Variants in STT3B observed in about 807,000 individuals in gnomAD.
The protein encoded by STT3B is dolichyl-diphosphooligosaccharide--protein glycosyltransferase subunit STT3B.
Under a neutral mutation model 96.8 loss-of-function variants are expected in STT3B, and 29 were observed. The observed-to-expected ratio is 0.30, with a 90% confidence interval of 0.22 to 0.41. STT3B has a LOEUF of 0.41. Ranked by LOEUF, STT3B falls within the 10% of genes least tolerant of loss-of-function variation. The pLI, the probability that STT3B is intolerant of heterozygous loss-of-function variation, is 1.00. For synonymous variants in STT3B, 367 were observed against 360.0 expected (o/e 1.02, Z -0.22); for missense variants, 640 against 1,022.3 (o/e 0.63, Z 5.10).
rs572862026 is a variant in STT3B, at chr3:31,558,208, C to T, written c.315-18188C>T. On this transcript the variant is annotated intron_variant, in intron 1 of 15. Transcript: ENST00000295770. ...ACCTGATTGCTCTGGCTAGGATATCCAGTAGTATGTTGAATAGGAATGGTG... is the reference window on the plus strand; with the variant it reads ...ACCTGATTGCTCTGGCTAGGATATCTAGTAGTATGTTGAATAGGAATGGTG... Among the ~76,000 whole-genome samples the T allele has an allele frequency of 1.1e-4, 16 of 152,166 alleles. No homozygotes were observed. In the South Asian group the frequency reaches 3.3e-3, roughly 32 times the overall value.
At chr3:31,573,924 A>T (rs903578277) in intron 1 of STT3B, among the ~76,000 whole-genome samples, 2 of 152,140 alleles carry the variant, frequency 1.3e-5, no homozygotes, top group Non-Finnish European at 2.9e-5. Context: ...GGGTAAAAAA[A>T]TCAAGAGACT....
intron 1 of STT3B, among the ~76,000 whole-genome samples, chr3:31,559,349 A>ATCT (rs1697806874): frequency 6.7e-6 from 1 of 148,962 alleles, no homozygotes. Flanking sequence ...ATTGCTATAA[A>ATCT]CTTAGCATGG....
intron 4 of STT3B, among the ~76,000 whole-genome samples, chr3:31,599,017 C>T (rs912997700): frequency 1.2e-4 from 18 of 152,138 alleles, no homozygotes; most frequent in Non-Finnish European, 2.2e-4. Context: ...TCCATGTGGT[C>T]AGACTGGTCT....
intron 5 of STT3B, among the ~76,000 whole-genome samples, chr3:31,602,243 C>A (rs567862250): frequency 5.6e-4 from 85 of 152,014 alleles, no homozygotes; most frequent in African/African-American, 1.8e-3. Context: ...TTCTCTACCC[C>A]AAAAACACTA....
chr3:31,598,978 T>G (rs1395048475), intron 4 of STT3B, among the ~76,000 whole-genome samples: 1 of 151,980 alleles, frequency 6.6e-6, no homozygotes, highest in Non-Finnish European at 1.5e-5. Context: ...CCTGGCTGAT[T>G]TTTGTATTTT....
intron 13 of STT3B, among the ~76,000 whole-genome samples, chr3:31,627,166 G>A (rs1238216464): frequency 6.6e-6 from 1 of 152,120 alleles, no homozygotes; most frequent in Non-Finnish European, 1.5e-5. Flanking sequence ...GGCCTGTTAG[G>A]AACCAGGCCA....
At chr3:31,566,660 A>G (rs1038900296) in intron 1 of STT3B, among the ~76,000 whole-genome samples, 13 of 152,120 alleles carry the variant, frequency 8.5e-5, no homozygotes, top group African/African-American at 3.1e-4. Flanking sequence ...TAAAGACTTC[A>G]CAGATGTTTT....
At chr3:31,542,507 T>G (rs1441944066) in intron 1 of STT3B, among the ~76,000 whole-genome samples, 1 of 152,220 alleles carries the variant, frequency 6.6e-6, no homozygotes, top group East Asian at 1.9e-4. Context: ...AGGACTGTCT[T>G]TCTTCAAACT....
intron 3 of STT3B, among the ~76,000 whole-genome samples, chr3:31,590,315 C>T (rs79929850): frequency 0.036 from 5,443 of 151,598 alleles, 119 homozygotes; most frequent in Non-Finnish European, 0.052. Flanking sequence ...TTGATTTCTT[C>T]GTCTTCATTA....
chr3:31,538,953 A>G (rs1289609392), intron 1 of STT3B, among the ~76,000 whole-genome samples: 2 of 152,210 alleles, frequency 1.3e-5, no homozygotes, highest in East Asian at 3.9e-4. Flanking sequence ...GTTTGTTTTT[A>G]AAGTCGAATA....
chr3:31,617,186 C>CTTTT (rs5847707), intron 7 of STT3B, 111 bp downstream of exon 7: 879 of 494,230 alleles, frequency 1.8e-3, no homozygotes, highest in South Asian at 2.4e-3. Flanking sequence ...TGATTTTTTT[C>CTTTT]TTTTTTTTTT....
chr3:31,579,251 TC>T (rs1244018793), intron 2 of STT3B, among the ~76,000 whole-genome samples: 1 of 151,978 alleles, frequency 6.6e-6, no homozygotes, highest in Admixed American at 6.6e-5. Flanking sequence ...AACTGACTCT[TC>T]CCTCTTTTCC....
rs903319552 is a variant in STT3B, at chr3:31,636,714, A to G, written c.*650A>G. The G allele has an allele frequency of 6.6e-6, 1 of 152,188 alleles. No individual in the cohort carries two copies. Among genetic ancestry groups the G allele is most frequent in the African/African-American group, 2.4e-5 (1 of 41,454 alleles). The allele number at this position is 152,188 out of a possible 1,614,324, so 9.4% of individuals were successfully genotyped here. A position where few individuals can be genotyped will look rare whatever the true frequency, so the allele number is the denominator to read the frequency against. ...AGTAGTTTTTTTATGTTGACACATT[A>G]TTACTGCTGTTAGCAGTCGTTTTCA... On this transcript the variant is annotated 3_prime_UTR_variant, in exon 16 of 16. Transcript: ENST00000295770.
chr3:31,631,386 G>C (rs1054710959), intron 14 of STT3B, among the ~76,000 whole-genome samples: 2 of 152,144 alleles, frequency 1.3e-5, no homozygotes, highest in Admixed American at 6.5e-5. Context: ...ATAATAATCA[G>C]TTACCCCAGA....
chr3:31,553,614 G>C (rs1370818639), intron 1 of STT3B, among the ~76,000 whole-genome samples: 2 of 152,116 alleles, frequency 1.3e-5, no homozygotes, highest in Non-Finnish European at 2.9e-5. Flanking sequence ...GTGCCTAAAG[G>C]TGCATGTGGG....
chr3:31,607,363 T>C (rs928220287), intron 5 of STT3B, among the ~76,000 whole-genome samples: 1 of 152,204 alleles, frequency 6.6e-6, no homozygotes, highest in African/African-American at 2.4e-5. Context: ...TCTTGAATTG[T>C]AGTTCTCATA....
chr3:31,625,169 T>C (rs925013802), intron 12 of STT3B, 84 bp downstream of exon 12: 1 of 1,279,378 alleles, frequency 7.8e-7, no homozygotes. Flanking sequence ...ATAGGAAAAA[T>C]GTGGGTGAAA....
At chr3:31,587,370 A>G (rs1372165454) in intron 3 of STT3B, among the ~76,000 whole-genome samples, 3 of 152,016 alleles carry the variant, frequency 2.0e-5, no homozygotes, top group African/African-American at 7.2e-5. Context: ...CTGGAATTCC[A>G]TATAAAAGGA....
chr3:31,536,825 C>CT (rs780747736), intron 1 of STT3B, among the ~76,000 whole-genome samples: 1 of 152,234 alleles, frequency 6.6e-6, no homozygotes, highest in Non-Finnish European at 1.5e-5. Context: ...TAATCAGCCA[C>CT]TTTAACAGCA....
Sources: allele counts gnomAD v4.1 joint callset (sites outside exome capture counted in the v4.1 genomes callset), GRCh38; gene constraint gnomAD v4.1.1; transcripts MANE v1.5; gene names NCBI Gene and HGNC (gene_info 2026-07-23, HGNC 2026-07-21).